Variants in FOXN3 observed in about 807,000 individuals in gnomAD.
FOXN3 encodes the protein forkhead box N3.
Under a neutral mutation model 38.4 loss-of-function variants are expected in FOXN3, and 7 were observed. The observed-to-expected ratio is 0.18, with a 90% CI of 0.10 to 0.34. The LOEUF is 0.34. Ranked by LOEUF, FOXN3 falls within the 10% of genes least tolerant of loss-of-function variation. The probability of loss-of-function intolerance (pLI) is 1.00; values close to 1 mark genes in which losing one functional copy is unlikely to be tolerated. For synonymous variants in FOXN3, 230 were observed against 242.2 expected, an observed-to-expected ratio of 0.95 and a Z score of 0.47; for missense variants, 456 against 613.4, an observed-to-expected ratio of 0.74 and a Z score of 2.71.
chr14:89,375,182 G>C (rs768067842), intron 2 of FOXN3, among the ~76,000 whole-genome samples: 1 of 152,092 alleles, frequency 6.6e-6, no homozygotes, highest in Non-Finnish European at 1.5e-5. Context: ...GACAGTAATG[G>C]TGGTTACAGA....
At chr14:89,279,350 T>G (rs1394559875) in intron 4 of FOXN3, among the ~76,000 whole-genome samples, 1 of 152,114 alleles carries the variant, frequency 6.6e-6, no homozygotes, top group African/African-American at 2.4e-5. Context: ...TTCAGAAACC[T>G]TATCAATATT....
intron 1 of FOXN3, among the ~76,000 whole-genome samples, chr14:89,478,931 C>CAAAAGAAAAAA (rs1893268006): frequency 1.8e-5 from 1 of 54,198 alleles, no homozygotes; most frequent in Non-Finnish European, 3.5e-5. Context: ...GACTCCATCT[C>CAAAAGAAAAAA]AAAAAAAAAA....
intron 2 of FOXN3, among the ~76,000 whole-genome samples, chr14:89,358,330 GAGA>G (rs1889318074): frequency 6.6e-6 from 1 of 152,222 alleles, no homozygotes; most frequent in Non-Finnish European, 1.5e-5. Flanking sequence ...TTAAAAACCA[GAGA>G]AGGAGTTTTC....
At chr14:89,284,970 A>C (rs1398884478) in intron 3 of FOXN3, among the ~76,000 whole-genome samples, 1 of 152,136 alleles carries the variant, frequency 6.6e-6, no homozygotes, top group Non-Finnish European at 1.5e-5. Flanking sequence ...TCCCAAGGGG[A>C]TATCCTGAGT....
At chr14:89,392,752 T>C (rs1163233333) in intron 2 of FOXN3, among the ~76,000 whole-genome samples, 1 of 149,936 alleles carries the variant, frequency 6.7e-6, no homozygotes, top group Non-Finnish European at 1.5e-5. Flanking sequence ...GCAATTCTCC[T>C]GCCGCAGCCT....
At chr14:89,222,339 G>C (rs753782931) in intron 4 of FOXN3, among the ~76,000 whole-genome samples, 3 of 152,144 alleles carry the variant, frequency 2.0e-5, no homozygotes, top group African/African-American at 4.8e-5. Flanking sequence ...GGAAATACAT[G>C]AAAATTATGC....
chr14:89,514,295 A>T (rs1894159191), intron 1 of FOXN3, among the ~76,000 whole-genome samples: 1 of 152,184 alleles, frequency 6.6e-6, no homozygotes, highest in African/African-American at 2.4e-5. Flanking sequence ...GGCAGGTCTC[A>T]AAGGGAACTG....
chr14:89,616,521 A>ACCCCCCC (rs1161046760), intron 1 of FOXN3, among the ~76,000 whole-genome samples: 1 of 137,890 alleles, frequency 7.3e-6, no homozygotes, highest in Non-Finnish European at 1.5e-5. Flanking sequence ...TCACTCCCCA[A>ACCCCCCC]CCCCACCCCC....
At chr14:89,446,087 C>CAAA (rs576883864) in intron 1 of FOXN3, among the ~76,000 whole-genome samples, 453 of 40,072 alleles carry the variant, frequency 0.011, 19 homozygotes, top group African/African-American at 0.036. Context: ...GACCCTGCCT[C>CAAA]AAAAAAAAAA....
chr14:89,587,193 G>C (rs1895857866), intron 1 of FOXN3, among the ~76,000 whole-genome samples: 1 of 152,194 alleles, frequency 6.6e-6, no homozygotes, highest in Non-Finnish European at 1.5e-5. Flanking sequence ...TTTTTCTCTT[G>C]GGGTCTTCGA....
At chr14:89,472,436 G>A (rs768687851) in intron 1 of FOXN3, among the ~76,000 whole-genome samples, 18 of 151,248 alleles carry the variant, frequency 1.2e-4, no homozygotes, top group Non-Finnish European at 2.4e-4. Flanking sequence ...GATAGATTGT[G>A]CAGGCCGGGC....
chr14:89,350,858 C>A, intron 2 of FOXN3, 50 bp from the exon 3 acceptor site: 1 of 1,370,834 alleles, frequency 7.3e-7, no homozygotes, highest in Non-Finnish European at 9.7e-7. Context: ...TTATTAAGTA[C>A]TTTGCAATAA....
At chr14:89,526,758 A>T (rs575102247) in intron 1 of FOXN3, among the ~76,000 whole-genome samples, 68 of 152,272 alleles carry the variant, frequency 4.5e-4, no homozygotes, top group Middle Eastern at 3.4e-3. Context: ...CTGACAATTC[A>T]TATGTAAGTA....
At chr14:89,339,475 G>A (rs1888553590) in intron 3 of FOXN3, among the ~76,000 whole-genome samples, 1 of 152,152 alleles carries the variant, frequency 6.6e-6, no homozygotes, top group African/African-American at 2.4e-5. Flanking sequence ...GAAGCATGGA[G>A]ACCCTCCAGT....
intron 2 of FOXN3, chr14:89,409,373 G>A (rs563827583): frequency 1.3e-5 from 2 of 151,774 alleles, no homozygotes; most frequent in East Asian, 3.9e-4. Flanking sequence ...CATGGCGGGA[G>A]AACAGCTCCT....
intron 3 of FOXN3, among the ~76,000 whole-genome samples, chr14:89,286,801 T>C (rs1886642090): frequency 6.6e-6 from 1 of 152,144 alleles, no homozygotes; most frequent in African/African-American, 2.4e-5. Context: ...GAGACGTGTG[T>C]GGGAAGCTTC....
intron 3 of FOXN3, among the ~76,000 whole-genome samples, chr14:89,336,529 G>A (rs1888466214): frequency 6.6e-6 from 1 of 152,144 alleles, no homozygotes; most frequent in Non-Finnish European, 1.5e-5. Flanking sequence ...TCAGGCTATG[G>A]GGTCAGAACA....
chr14:89,595,510 G>A (rs931894346), intron 1 of FOXN3, among the ~76,000 whole-genome samples: 17 of 152,098 alleles, frequency 1.1e-4, no homozygotes, highest in African/African-American at 4.1e-4. Flanking sequence ...TAGTGATAAA[G>A]AGAAATACAA....
intron 1 of FOXN3, among the ~76,000 whole-genome samples, chr14:89,469,525 A>G (rs568933566): frequency 6.6e-6 from 1 of 152,286 alleles, no homozygotes; most frequent in East Asian, 1.9e-4. Flanking sequence ...TCTGTCTTGG[A>G]GCAAAGAGTT....
Sources: allele counts gnomAD v4.1 joint callset (sites outside exome capture counted in the v4.1 genomes callset), GRCh38; gene constraint gnomAD v4.1.1; transcripts MANE v1.5; gene names NCBI Gene and HGNC (gene_info 2026-07-23, HGNC 2026-07-21).